SLC22A9: variants seen among roughly 807,000 people sequenced by gnomAD.
The protein encoded by SLC22A9 is solute carrier family 22 member 9.
Under a neutral mutation model 50.1 loss-of-function variants are expected in SLC22A9, and 64 were observed. The observed-to-expected ratio is 1.28, with a 90% CI of 1.04 to 1.57. SLC22A9 has a LOEUF of 1.57. Among genes scored for constraint, SLC22A9 ranks in the 40% most tolerant of loss-of-function variants. The pLI is 0.00. For missense variants in SLC22A9, 757 were observed against 676.1 expected (o/e 1.12, Z -1.33); for synonymous variants, 261 against 242.5 (o/e 1.08, Z -0.71).
At chr11:63,385,900 T>A (rs183015089) in intron 6 of SLC22A9, among the ~76,000 whole-genome samples, 3 of 152,296 alleles carry the variant, frequency 2.0e-5, no homozygotes, top group Admixed American at 2.0e-4. Context: ...TTCCAGCTTT[T>A]GCCCATTCAG....
chr11:63,399,181 C>T (rs944388371), intron 6 of SLC22A9, among the ~76,000 whole-genome samples: 6 of 152,150 alleles, frequency 3.9e-5, no homozygotes, highest in South Asian at 4.1e-4. Context: ...AATAACAAAA[C>T]GGCAGTTATA....
intron 6 of SLC22A9, among the ~76,000 whole-genome samples, chr11:63,398,478 G>T (rs116103689): frequency 3.9e-5 from 6 of 152,158 alleles, no homozygotes; most frequent in African/African-American, 1.2e-4. Context: ...TGATGGTGAG[G>T]CTTGTCAGAA....
intron 6 of SLC22A9, among the ~76,000 whole-genome samples, chr11:63,403,904 G>T (rs191256946): frequency 6.6e-6 from 1 of 152,072 alleles, no homozygotes; most frequent in Non-Finnish European, 1.5e-5. Context: ...GTATATTGTT[G>T]GTGGCCATAT....
chr11:63,372,859 A>T (rs1178970125), intron 2 of SLC22A9, among the ~76,000 whole-genome samples: 3 of 152,160 alleles, frequency 2.0e-5, no homozygotes, highest in Non-Finnish European at 4.4e-5. Context: ...TAAATTTATT[A>T]GTTCTAGTAG....
At position 63,407,970 on chromosome 11, in the gene SLC22A9, C is replaced by T. The variant is rs614628; in HGVS notation, c.1289-142C>T. 6.3e-3 allele frequency: 3,726 copies of T among 588,104 alleles called. 108 individuals are homozygous for T. The highest frequency in any genetic ancestry group is 0.063 in the African/African-American group (3,396 of 53,990). The allele number at this position is 588,104 out of a possible 1,614,324, so 36.4% of individuals were successfully genotyped here. A position where few individuals can be genotyped will look rare whatever the true frequency, so the allele number is the denominator to read the frequency against. On this transcript the variant is annotated intron_variant, in intron 7 of 9. Coordinates refer to ENST00000279178, the MANE Select transcript of SLC22A9 (RefSeq NM_080866.3). ...TGTTTCTCAGCTATCAGCCACTGCA[C>T]ATTCTTTGCCTCTATGCAGTTTCCC... is the stretch of plus-strand genomic sequence containing the variant.
intron 6 of SLC22A9, among the ~76,000 whole-genome samples, chr11:63,390,966 T>C: frequency 6.6e-6 from 1 of 152,114 alleles, no homozygotes; most frequent in East Asian, 1.9e-4. Flanking sequence ...TAGCTAAAAA[T>C]ATACCTCTTA....
intron 6 of SLC22A9, among the ~76,000 whole-genome samples, chr11:63,385,157 A>C (rs1319959216): frequency 8.0e-5 from 7 of 87,954 alleles, no homozygotes; most frequent in Admixed American, 1.4e-4. Flanking sequence ...GTTTAATTAG[A>C]TCCTATGGCC....
intron 6 of SLC22A9, 120 bp downstream of exon 6, chr11:63,382,397 T>C: frequency 2.9e-6 from 2 of 678,322 alleles, no homozygotes; most frequent in Non-Finnish European, 4.9e-6. Flanking sequence ...GAGAAAGCCG[T>C]AAAGAGAATT....
chr11:63,404,964 G>A (rs576000774), intron 6 of SLC22A9, among the ~76,000 whole-genome samples: 25 of 152,202 alleles, frequency 1.6e-4, no homozygotes, highest in African/African-American at 5.5e-4. Flanking sequence ...CCTGGGAAAG[G>A]AGAGAATAAT....
At position 63,405,123 on chromosome 11, in the gene SLC22A9, C is replaced by CAATAAT. The variant is rs753994353; in HGVS notation, c.1074-1356_1074-1351dup. Among the ~76,000 whole-genome samples the CAATAAT allele has an allele frequency of 5.4e-3, 817 of 151,182 alleles. 5 individuals are homozygous for CAATAAT. The highest frequency in any genetic ancestry group is 0.018 in the African/African-American group (762 of 41,214). ...TCCCCAAAAGCTATTGAAATAATAA[C>CAATAAT]AATAATAATAATAATAATAATAAAA... On this transcript the variant is annotated intron_variant, in intron 6 of 9. Transcript: ENST00000279178.
intron 6 of SLC22A9, among the ~76,000 whole-genome samples, chr11:63,400,122 A>G (rs2014927959): frequency 6.6e-6 from 1 of 152,116 alleles, no homozygotes; most frequent in Non-Finnish European, 1.5e-5. Context: ...TTAAAGAAGT[A>G]GAAATGCAAC....
At chr11:63,398,158 T>A (rs976175122) in intron 6 of SLC22A9, among the ~76,000 whole-genome samples, 1 of 152,194 alleles carries the variant, frequency 6.6e-6, no homozygotes, top group African/African-American at 2.4e-5. Context: ...CTTCTGCCCC[T>A]GGAGATGTCT....
chr11:63,394,175 T>C (rs1591023332), intron 6 of SLC22A9, among the ~76,000 whole-genome samples: 1 of 152,328 alleles, frequency 6.6e-6, no homozygotes, highest in Middle Eastern at 3.4e-3. Flanking sequence ...AAACTGGTTA[T>C]TCTAGTTAGC....
rs745884908 is a variant in SLC22A9 at position 63,369,989 on chromosome 11, T to G, written c.-68T>G. 29 of 1,469,120 alleles carry G rather than the reference T, an allele frequency of 2.0e-5. No individual in the cohort carries two copies. Among genetic ancestry groups the G allele is most frequent in the Middle Eastern group, 2.4e-4 (1 of 4,252 alleles). The allele number at this position is 1,469,120 out of a possible 1,614,324, so 91.0% of individuals were successfully genotyped here. A position where few individuals can be genotyped will look rare whatever the true frequency, so the allele number is the denominator to read the frequency against. ...AGTGTGACTTAGGGAAAGAAAACAT[T>G]TTCCCTCTTTGAACCTCTCTGGATA... is the stretch of plus-strand genomic sequence containing the variant. On this transcript the variant is annotated 5_prime_UTR_variant, in exon 1 of 10. In the 5' UTR this introduces an upstream ATG that the reference lacks. Transcript: ENST00000279178.
intron 6 of SLC22A9, among the ~76,000 whole-genome samples, chr11:63,401,876 T>A (rs894195708): frequency 6.6e-6 from 1 of 152,090 alleles, no homozygotes; most frequent in South Asian, 2.1e-4. Context: ...TAAGTTTTTT[T>A]ATATGCTTGT....
At chr11:63,389,867 C>A (rs887610255) in intron 6 of SLC22A9, among the ~76,000 whole-genome samples, 2 of 152,110 alleles carry the variant, frequency 1.3e-5, no homozygotes, top group Admixed American at 6.6e-5. Context: ...TTTTAATGAT[C>A]ACCATTCTAA....
At chr11:63,399,478 G>C (rs1355059426) in intron 6 of SLC22A9, among the ~76,000 whole-genome samples, 1 of 151,940 alleles carries the variant, frequency 6.6e-6, no homozygotes, top group African/African-American at 2.4e-5. Flanking sequence ...AATGATAAAG[G>C]GGTCAAATCA....
chr11:63,378,143 T>C (rs1195516337), intron 5 of SLC22A9, among the ~76,000 whole-genome samples: 2 of 151,936 alleles, frequency 1.3e-5, no homozygotes, highest in Non-Finnish European at 2.9e-5. Context: ...GTACCAATCC[T>C]ACTGAAATTA....
At chr11:63,397,203 C>T (rs2014874407) in intron 6 of SLC22A9, among the ~76,000 whole-genome samples, 1 of 152,192 alleles carries the variant, frequency 6.6e-6, no homozygotes, top group Non-Finnish European at 1.5e-5. Context: ...TACTTTTGTT[C>T]TCTTCCCTTA....
Sources: allele counts gnomAD v4.1 joint callset (sites outside exome capture counted in the v4.1 genomes callset), GRCh38; gene constraint gnomAD v4.1.1; transcripts MANE v1.5; gene names NCBI Gene and HGNC (gene_info 2026-07-23, HGNC 2026-07-21).